The following SRRM1 variants were observed in gnomAD, a reference collection of about 807,000 sequenced individuals.
SRRM1 encodes serine and arginine repetitive matrix 1, also known as serine/arginine repetitive matrix protein 1.
A neutral mutation model predicts 110.2 loss-of-function variants in SRRM1; 19 were observed. The observed-to-expected ratio is 0.17, with a 90% CI of 0.12 to 0.25. SRRM1 has a LOEUF of 0.25. Ranked by LOEUF, SRRM1 falls within the 10% of genes least tolerant of loss-of-function variation. The pLI is 1.00. For missense variants in SRRM1, 918 were observed against 1,145.8 expected, an observed-to-expected ratio of 0.80 and a Z score of 2.87; for synonymous variants, 443 against 414.9, an observed-to-expected ratio of 1.07 and a Z score of -0.82.
In SRRM1 at chr1:24,654,869, C is replaced by T. The variant is rs754288886; in HGVS notation, c.1055C>T (p.Ser352Leu). Residue 352 changes from serine to leucine, a missense_variant, in exon 9 of 17, where the codon TCA (serine) becomes TTA (leucine). Transcript: ENST00000323848. Reference sequence around the variant, plus strand: ...TTATTCCACAGAAGAAGACGTTCGTCAGCATCCTTGTCTGGGAGTAGCTCA... The same window carrying T: ...TTATTCCACAGAAGAAGACGTTCGTTAGCATCCTTGTCTGGGAGTAGCTCA... Reference protein sequence around the residue: ...RSPVRRRRRSSASLSGSSSSS... With the variant: ...RSPVRRRRRSLASLSGSSSSS... 2 of 1,614,196 alleles carry T rather than the reference C, an allele frequency of 1.2e-6. No individual in the cohort carries two copies. The highest frequency in any genetic ancestry group is 1.7e-6 in the Non-Finnish European group (2 of 1,180,010).
Position 24,661,020 on chromosome 1 carries a change from C to T in SRRM1, c.1396+221C>T. The T allele has an allele frequency of 5.6e-6, 3 of 534,780 alleles. No individual in the cohort carries two copies. In the South Asian group the frequency reaches 9.1e-5, roughly 16 times the overall value. The allele number at this position is 534,780 out of a possible 1,614,324, so 33.1% of individuals were successfully genotyped here. A position where few individuals can be genotyped will look rare whatever the true frequency, so the allele number is the denominator to read the frequency against. ...CTTATCTGAGCCTTTCTTCTTTCAT[C>T]TCCGAAATAGGGACAGTAGAGGTTT... On this transcript the variant is annotated intron_variant, in intron 10 of 16. Transcript: ENST00000323848.
chr1:24,654,980 C>A lies in SRRM1; in HGVS notation c.1166C>A (p.Ser389Tyr). The A allele has an allele frequency of 1.2e-6, 2 of 1,614,224 alleles. No homozygotes were observed. The highest frequency in any genetic ancestry group is 1.7e-6 in the Non-Finnish European group (2 of 1,180,044). ...CCCCCTCGGAAAACTCGTAGGTTAT[C>A]TCCTTCAGCAAGTCCTCCAAGGCGA... The part of the protein sequence containing the change: ...SSPPRKTRRL[S>Y]PSASPPRRRH... The change falls in exon 9 of 17, where the codon TCT becomes TAT. Residue 389 changes from serine (S) to tyrosine (Y), a missense_variant. Ser to Tyr is a moderately radical substitution (Grantham distance 144, BLOSUM62 -2). Around this residue, in one of 5 missense-constraint regions of SRRM1, gnomAD observed 456 missense variants for 453.5 expected, o/e 1.01. Transcript: ENST00000323848.
intron 9 of SRRM1, among the ~76,000 whole-genome samples, chr1:24,658,026 C>G (rs1189734621): frequency 6.6e-6 from 1 of 152,070 alleles, no homozygotes; most frequent in Non-Finnish European, 1.5e-5. Context: ...CGATTTCTGA[C>G]TTCATGCTAG....
intron 12 of SRRM1, 175 bp from the exon 13 acceptor site, chr1:24,666,640 C>T: frequency 3.7e-6 from 2 of 535,022 alleles, no homozygotes; most frequent in Admixed American, 3.6e-5. Context: ...TTATGGGTGC[C>T]TGTAATCCCA....
At position 24,671,368 on chromosome 1, in the gene SRRM1, GTTT is replaced by G; in HGVS notation, c.2401-11_2401-9del. On this transcript the variant is annotated splice_polypyrimidine_tract_variant and intron_variant, in intron 15 of 16. Coordinates refer to ENST00000323848, the MANE Select transcript of SRRM1 (RefSeq NM_005839.4). ...AGATTGATTATAAATGCTGGGTGTT[GTTT>G]TTTTTTCTTCCTAGAATTCAGATCA... 1 of 1,545,406 alleles carries G rather than the reference GTTT, an allele frequency of 6.5e-7. No individual in the cohort carries two copies. The highest frequency in any genetic ancestry group is 8.8e-7 in the Non-Finnish European group (1 of 1,139,294).
intron 1 of SRRM1, 25 bp downstream of exon 1, chr1:24,643,372 G>C (rs774031323): frequency 6.5e-7 from 1 of 1,546,850 alleles, no homozygotes; most frequent in Non-Finnish European, 8.7e-7. Context: ...CGGGCGCCGG[G>C]GTGAGGCCAG....
At chr1:24,667,009 C>T (rs1022818598) in intron 13 of SRRM1, 84 bp downstream of exon 13, 2 of 813,046 alleles carry the variant, frequency 2.5e-6, no homozygotes, top group African/African-American at 1.8e-5. Context: ...GTGCTCACTT[C>T]CTAACAAGGT....
chr1:24,643,391 C>G (rs769019432), intron 1 of SRRM1, 44 bp downstream of exon 1: 1 of 1,523,228 alleles, frequency 6.6e-7, no homozygotes, highest in Non-Finnish European at 8.8e-7. Flanking sequence ...AGGGACTTCT[C>G]GGTAAGGCCT....
Position 24,643,361 on chromosome 1 carries a change from C to G in SRRM1, c.21+14C>G, listed in dbSNP as rs770518496. The G allele has an allele frequency of 2.6e-6, 4 of 1,548,564 alleles. No homozygotes were observed. The East Asian group carries it at 1.1e-4, about 42-fold the overall frequency. ...GGATTTTTCCGCGTAAGTAGAAGCGCCGGGCGCCGGGGTGAGGCCAGGGAC... is the reference window on the plus strand; with the variant it reads ...GGATTTTTCCGCGTAAGTAGAAGCGGCGGGCGCCGGGGTGAGGCCAGGGAC... On this transcript the variant is annotated intron_variant, in intron 1 of 16. Coordinates refer to ENST00000323848, the MANE Select transcript of SRRM1 (RefSeq NM_005839.4).
Position 24,671,316 on chromosome 1 carries a change from A to G in SRRM1, c.2401-70A>G, listed in dbSNP as rs144649492. The G allele has an allele frequency of 4.6e-3, 6,529 of 1,432,410 alleles. 24 individuals carry two copies. The highest frequency in any genetic ancestry group is 5.4e-3 in the Non-Finnish European group (5,687 of 1,051,452). 88.7% of individuals were successfully genotyped at this position (1,432,410 alleles called of 1,614,324 possible). On this transcript the variant is annotated intron_variant, in intron 15 of 16. Transcript: ENST00000323848. ...GTCCATTGGGGATTTGAGGAAATAAAATGTTCAGTTGGACAGAATATTAAT... is the reference window on the plus strand; with the variant it reads ...GTCCATTGGGGATTTGAGGAAATAAGATGTTCAGTTGGACAGAATATTAAT...
At chr1:24,661,178 T>TA (rs1042763264) in intron 10 of SRRM1, 132 bp from the exon 11 acceptor site, 17 of 607,754 alleles carry the variant, frequency 2.8e-5, no homozygotes, top group South Asian at 9.9e-5. Flanking sequence ...AAACTCTTTT[T>TA]AAAAAAAATA....
intron 16 of SRRM1, 47 bp from the exon 17 acceptor site, chr1:24,672,135 C>A: frequency 7.0e-7 from 1 of 1,437,218 alleles, no homozygotes. Flanking sequence ...CTCGGCATTT[C>A]CCACCAGGGT....
Position 24,654,955 on chromosome 1 carries a change from C to T in SRRM1, c.1141C>T (p.Pro381Ser). 1 of 1,614,186 alleles carries T rather than the reference C, an allele frequency of 6.2e-7. No homozygotes were observed. The highest frequency in any genetic ancestry group is 8.5e-7 in the Non-Finnish European group (1 of 1,180,030). ...GAAGCCTCCCAAGAGGACATCCAGC[C>T]CCCCTCGGAAAACTCGTAGGTTATC... ...PKKPPKRTSS[P>S]PRKTRRLSPS... The change falls in exon 9 of 17, where the codon CCC becomes TCC. Residue 381 changes from proline to serine, a missense_variant. By Grantham distance (74) the Pro-to-Ser change is moderately conservative (BLOSUM62 -1). This residue lies in a region of SRRM1 where 456 missense variants were observed against 453.5 expected (regional missense o/e 1.01). Coordinates refer to ENST00000323848, the MANE Select transcript of SRRM1 (RefSeq NM_005839.4).
chr1:24,645,889 C>A, intron 1 of SRRM1, 95 bp from the exon 2 acceptor site: 2 of 904,442 alleles, frequency 2.2e-6, no homozygotes, highest in South Asian at 1.6e-5. Context: ...ATTGTGTTTA[C>A]TTGGTTACCC....
intron 1 of SRRM1, among the ~76,000 whole-genome samples, chr1:24,645,151 T>C (rs1656680363): frequency 6.6e-6 from 1 of 152,156 alleles, no homozygotes; most frequent in Non-Finnish European, 1.5e-5. Context: ...GCAGAGTAGG[T>C]TTCTATACCT....
chr1:24,645,808 G>T (rs1657175489), intron 1 of SRRM1, among the ~76,000 whole-genome samples, 176 bp from the exon 2 acceptor site: 1 of 152,196 alleles, frequency 6.6e-6, no homozygotes, highest in African/African-American at 2.4e-5. Flanking sequence ...TAAAAATCCA[G>T]TCAAGTTTTC....
chr1:24,670,482 T>C (rs1392659255), intron 15 of SRRM1, among the ~76,000 whole-genome samples, 167 bp downstream of exon 15: 1 of 152,162 alleles, frequency 6.6e-6, no homozygotes, highest in Non-Finnish European at 1.5e-5. Flanking sequence ...ATAAAATCAG[T>C]GGTTAGGTGT....
chr1:24,657,546 A>G (rs984233527), intron 9 of SRRM1, among the ~76,000 whole-genome samples: 2 of 152,196 alleles, frequency 1.3e-5, no homozygotes, highest in African/African-American at 2.4e-5. Flanking sequence ...TAGATATTAC[A>G]GTTAATATTT....
chr1:24,665,496 G>A (rs1454481468), intron 12 of SRRM1, among the ~76,000 whole-genome samples: 1 of 151,650 alleles, frequency 6.6e-6, no homozygotes, highest in Non-Finnish European at 1.5e-5. Context: ...GGTGGTTCAC[G>A]AGGTCAGGAG....
Sources: allele counts gnomAD v4.1 joint callset (sites outside exome capture counted in the v4.1 genomes callset), GRCh38; gene constraint gnomAD v4.1.1; regional missense constraint gnomAD v4.1.1; transcripts MANE v1.5; gene names NCBI Gene and HGNC (gene_info 2026-07-23, HGNC 2026-07-21).